The following IQCM variants were observed in gnomAD, a reference collection of about 807,000 sequenced individuals.
The protein encoded by IQCM is IQ motif containing M, also known as IQ domain-containing protein M.
In IQCM, 45 loss-of-function variants were observed where a neutral mutation model predicts 57.6. That is an observed-to-expected ratio of 0.78 (90% CI 0.62 to 1.00). The LOEUF is 1.00. Ranked by LOEUF, IQCM falls within the 50% of genes least tolerant of loss-of-function variation. The pLI is 0.00. For missense variants in IQCM, 468 were observed against 511.6 expected (o/e 0.91, Z 0.82); for synonymous variants, 148 against 158.9 (o/e 0.93, Z 0.51).
At chr4:149,496,891 T>C (rs12643928) in intron 12 of IQCM, among the ~76,000 whole-genome samples, 3 of 152,206 alleles carry the variant, frequency 2.0e-5, no homozygotes, top group African/African-American at 7.2e-5. Context: ...CCTCCTTTGG[T>C]GTCTGAAATA....
At chr4:149,610,687 C>A (rs185803009) in intron 8 of IQCM, among the ~76,000 whole-genome samples, 1 of 151,904 alleles carries the variant, frequency 6.6e-6, no homozygotes, top group East Asian at 1.9e-4. Flanking sequence ...TGAAACTAGA[C>A]CCCTATATCT....
At chr4:149,751,811 A>C (rs2149936810) in intron 2 of IQCM, among the ~76,000 whole-genome samples, 1 of 152,262 alleles carries the variant, frequency 6.6e-6, no homozygotes, top group Non-Finnish European at 1.5e-5. Context: ...TTCTCTGAGA[A>C]ATAGGGCAAG....
intron 2 of IQCM, among the ~76,000 whole-genome samples, chr4:149,780,858 T>C (rs1488348848): frequency 6.6e-6 from 1 of 152,030 alleles, no homozygotes; most frequent in Non-Finnish European, 1.5e-5. Context: ...AAGAGACAGA[T>C]GAATTAAAAT....
intron 12 of IQCM, among the ~76,000 whole-genome samples, chr4:149,515,071 C>CGTGTGTGTGTGTGTGTGT (rs58534209): frequency 2.1e-5 from 3 of 142,902 alleles, no homozygotes; most frequent in East Asian, 4.2e-4. Context: ...TATATATACA[C>CGTGTGTGTGTGTGTGTGT]GTGTGTGTGT....
intron 12 of IQCM, among the ~76,000 whole-genome samples, chr4:149,517,362 T>G (rs1745088656): frequency 6.6e-6 from 1 of 152,220 alleles, no homozygotes; most frequent in African/African-American, 2.4e-5. Flanking sequence ...TCATGTGACA[T>G]AAGATTTATT....
intron 7 of IQCM, among the ~76,000 whole-genome samples, chr4:149,659,511 C>A (rs1382670571): frequency 1.3e-5 from 2 of 152,086 alleles, no homozygotes; most frequent in Non-Finnish European, 2.9e-5. Context: ...AAAAAAGAGC[C>A]CGCATCGCCA....
At chr4:149,762,234 A>G (rs80031791) in intron 2 of IQCM, among the ~76,000 whole-genome samples, 2 of 142,166 alleles carry the variant, frequency 1.4e-5, no homozygotes, top group Non-Finnish European at 3.0e-5. Context: ...CTCAGTGATG[A>G]AAAAAAAAAA....
In IQCM at chr4:149,680,844, CTT is replaced by C. The variant is rs368768837; in HGVS notation, c.565+1272_565+1273del. ...AAATATTTTAGAAAAGTTTTCTACT[CTT>C]GTTTAGCATTAAATAAACTATGGTC... On this transcript the variant is annotated intron_variant, in intron 7 of 13. Transcript: ENST00000636793. Among the ~76,000 whole-genome samples the C allele has an allele frequency of 4.8e-3, 733 of 151,480 alleles. 5 individuals are homozygous for C. Among genetic ancestry groups the C allele is most frequent in the African/African-American group, 0.017 (703 of 41,462 alleles).
intron 8 of IQCM, among the ~76,000 whole-genome samples, chr4:149,589,226 T>A (rs1752906260): frequency 6.6e-6 from 1 of 151,966 alleles, no homozygotes; most frequent in Admixed American, 6.6e-5. Flanking sequence ...GTAAAATGGT[T>A]AGAGGATTTT....
intron 7 of IQCM, among the ~76,000 whole-genome samples, chr4:149,672,194 T>C (rs974931843): frequency 6.6e-6 from 1 of 152,072 alleles, no homozygotes. Context: ...GGCTGAAAAT[T>C]CTAAAAATCA....
rs373663959 is a variant in IQCM, at chr4:149,800,971, G to GA, written c.-49+14339dup. ...ACCAATGACATTCTTCACAGAAATA[G>GA]AAAAAAAATTCTAAAATTGATATGG... On this transcript the variant is annotated intron_variant, in intron 2 of 13. Transcript: ENST00000636793. Among the ~76,000 whole-genome samples, 1,150 of 151,670 alleles carry GA rather than the reference G, an allele frequency of 7.6e-3. 22 individuals carry two copies. Among genetic ancestry groups the GA allele is most frequent in the African/African-American group, 0.027 (1,100 of 41,410 alleles).
chr4:149,378,209 G>A (rs72724058), intron 13 of IQCM, among the ~76,000 whole-genome samples: 23,035 of 152,076 alleles, frequency 0.15, 2,109 homozygotes, highest in South Asian at 0.33. Context: ...CATCAGCAGC[G>A]TGAAAATGGA....
At chr4:149,513,099 A>C (rs1028544787) in intron 12 of IQCM, among the ~76,000 whole-genome samples, 3 of 152,218 alleles carry the variant, frequency 2.0e-5, no homozygotes, top group Non-Finnish European at 2.9e-5. Flanking sequence ...AGAGAAAGAA[A>C]ATCTAGTCTC....
chr4:149,698,795 C>T (rs569594491), intron 5 of IQCM, among the ~76,000 whole-genome samples: 2 of 152,116 alleles, frequency 1.3e-5, no homozygotes, highest in East Asian at 3.9e-4. Flanking sequence ...AGAGAGCAGA[C>T]AGACTTAAGT....
intron 12 of IQCM, among the ~76,000 whole-genome samples, chr4:149,469,188 G>T (rs1739222535): frequency 6.6e-6 from 1 of 152,146 alleles, no homozygotes; most frequent in African/African-American, 2.4e-5. Flanking sequence ...AGCTAAAGGA[G>T]GATTTTGAAC....
At chr4:149,775,544 T>C (rs1771014048) in intron 2 of IQCM, among the ~76,000 whole-genome samples, 1 of 152,230 alleles carries the variant, frequency 6.6e-6, no homozygotes, top group South Asian at 2.1e-4. Context: ...GTTCTATTTG[T>C]CAACACAGGT....
intron 12 of IQCM, among the ~76,000 whole-genome samples, chr4:149,450,392 C>A (rs1037928151): frequency 2.0e-5 from 3 of 151,824 alleles, no homozygotes; most frequent in African/African-American, 2.4e-5. Context: ...AGCTTCTGCA[C>A]AGCAAAGTAA....
Position 149,545,844 on chromosome 4 carries a change from G to A in IQCM, c.1228+2611C>T, listed in dbSNP as rs576449151. On this transcript the variant is annotated intron_variant, in intron 12 of 13. Coordinates refer to ENST00000636793, the MANE Select transcript of IQCM (RefSeq NM_001363507.2). ...TTTTTTTTTTATTATTATACTTTAA[G>A]TTCTAGGGTACATGTGCACAACGTG... is the stretch of plus-strand genomic sequence containing the variant. Among the ~76,000 whole-genome samples the A allele has an allele frequency of 2.0e-5, 3 of 151,930 alleles. No individual in the cohort carries two copies. In the East Asian group the frequency reaches 5.8e-4, roughly 29 times the overall value.
At chr4:149,500,951 T>C (rs568043812) in intron 12 of IQCM, among the ~76,000 whole-genome samples, 1 of 152,236 alleles carries the variant, frequency 6.6e-6, no homozygotes, top group African/African-American at 2.4e-5. Context: ...TGCCATGAGG[T>C]TGTTTCCTTT....
Sources: allele counts gnomAD v4.1 joint callset (sites outside exome capture counted in the v4.1 genomes callset), GRCh38; gene constraint gnomAD v4.1.1; transcripts MANE v1.5; gene names NCBI Gene and HGNC (gene_info 2026-07-23, HGNC 2026-07-21).